MACROD2: variants seen among roughly 807,000 people sequenced by gnomAD.
MACROD2 encodes ADP-ribose glycohydrolase MACROD2.
A neutral mutation model predicts 70.4 loss-of-function variants in MACROD2; 36 were observed. That is an observed-to-expected ratio of 0.51 (90% confidence interval 0.39 to 0.68). The LOEUF (loss-of-function observed/expected upper bound fraction) is 0.68. Ranked by LOEUF, MACROD2 falls within the 30% of genes least tolerant of loss-of-function variation. The pLI, the probability that MACROD2 is intolerant of heterozygous loss-of-function variation, is 0.00. For missense variants in MACROD2, 496 were observed against 538.4 expected, an observed-to-expected ratio of 0.92 and a Z score of 0.78; for synonymous variants, 172 against 178.8, an observed-to-expected ratio of 0.96 and a Z score of 0.30.
At chr20:14,807,809 T>C (rs1945500499) in intron 5 of MACROD2, among the ~76,000 whole-genome samples, 1 of 151,906 alleles carries the variant, frequency 6.6e-6, no homozygotes, top group African/African-American at 2.4e-5. Context: ...CAAGTATCAA[T>C]AGCTGAATCA....
chr20:15,742,412 G>T (rs1206168297), intron 8 of MACROD2, among the ~76,000 whole-genome samples: 1 of 152,198 alleles, frequency 6.6e-6, no homozygotes, highest in African/African-American at 2.4e-5. Flanking sequence ...TGTTTCGAGA[G>T]AACTTATTTT....
intron 15 of MACROD2, among the ~76,000 whole-genome samples, chr20:16,036,217 A>C (rs151208081): frequency 6.8e-4 from 103 of 152,036 alleles, no homozygotes; most frequent in African/African-American, 2.3e-3. Context: ...AATTACTTGT[A>C]ATTCTATTTG....
chr20:14,190,700 T>TATGTA, intron 3 of MACROD2, among the ~76,000 whole-genome samples: 1 of 14,852 alleles, frequency 6.7e-5, no homozygotes, highest in Non-Finnish European at 1.4e-4. Flanking sequence ...ATATATATAT[T>TATGTA]TTTTTTTTTT....
rs1242948446 is a variant in MACROD2 at position 15,153,578 on chromosome 20, TAGA to T, written c.419-76360_419-76358del. On this transcript the variant is annotated intron_variant, in intron 5 of 17. Coordinates refer to ENST00000684519, the MANE Select transcript of MACROD2 (RefSeq NM_001351661.2). ...GGTATGAACTCACAAGGAATTGTCA[TAGA>T]ACAATAAGATGATTCCACATGACAA... Among the ~76,000 whole-genome samples the T allele has an allele frequency of 7.9e-5, 12 of 152,094 alleles. No homozygotes were observed. The East Asian group carries it at 2.3e-3, about 29-fold the overall frequency.
chr20:14,939,451 G>A (rs904946432), intron 5 of MACROD2, among the ~76,000 whole-genome samples: 11 of 151,992 alleles, frequency 7.2e-5, no homozygotes, highest in African/African-American at 2.7e-4. Context: ...TGTACTATGT[G>A]TCTCTTTTTG....
At chr20:15,970,749 G>A (rs1026742865) in intron 13 of MACROD2, among the ~76,000 whole-genome samples, 1 of 152,144 alleles carries the variant, frequency 6.6e-6, no homozygotes, top group Non-Finnish European at 1.5e-5. Context: ...CTTCAACTGG[G>A]TAGGAACACT....
chr20:15,343,658 C>T (rs1313769028), intron 6 of MACROD2, among the ~76,000 whole-genome samples: 1 of 152,116 alleles, frequency 6.6e-6, no homozygotes, highest in Non-Finnish European at 1.5e-5. Context: ...CAGTTCAGTA[C>T]TTCTATATAT....
At chr20:15,481,670 A>G (rs1038184210) in intron 7 of MACROD2, among the ~76,000 whole-genome samples, 3 of 151,632 alleles carry the variant, frequency 2.0e-5, no homozygotes, top group Non-Finnish European at 4.4e-5. Context: ...AGCTAAAGTC[A>G]TAGAAAATAA....
chr20:15,473,629 A>G (rs2046986890), intron 7 of MACROD2, among the ~76,000 whole-genome samples: 1 of 152,152 alleles, frequency 6.6e-6, no homozygotes, highest in South Asian at 2.1e-4. Context: ...ACTGTTTCCT[A>G]AGCTTGAAGG....
Position 15,356,967 on chromosome 20 carries a change from T to C in MACROD2, c.541-74438T>C, listed in dbSNP as rs138829485. Among the ~76,000 whole-genome samples, 740 of 152,328 alleles carry C rather than the reference T, an allele frequency of 4.9e-3. 8 individuals carry two copies. Among genetic ancestry groups the C allele is most frequent in the African/African-American group, 0.017 (722 of 41,578 alleles). On this transcript the variant is annotated intron_variant, in intron 6 of 17. Coordinates refer to ENST00000684519, the MANE Select transcript of MACROD2 (RefSeq NM_001351661.2). Reference sequence around the variant, plus strand: ...AATTCAGAATATAACAAACTTACTTTTGTATATAGGTCAGAAAAGGATAAC... The same window carrying C: ...AATTCAGAATATAACAAACTTACTTCTGTATATAGGTCAGAAAAGGATAAC...
At chr20:14,472,082 C>T (rs2084537502) in intron 3 of MACROD2, among the ~76,000 whole-genome samples, 1 of 152,078 alleles carries the variant, frequency 6.6e-6, no homozygotes, top group Non-Finnish European at 1.5e-5. Flanking sequence ...AGGGGAGTTT[C>T]AACAAATTTT....
chr20:14,972,751 T>A (rs947170408), intron 5 of MACROD2, among the ~76,000 whole-genome samples: 3 of 152,182 alleles, frequency 2.0e-5, no homozygotes, highest in African/African-American at 7.2e-5. Context: ...ACAATTTCCA[T>A]CTTACTCTCT....
chr20:14,993,379 TA>T (rs1415995467), intron 5 of MACROD2, among the ~76,000 whole-genome samples: 2 of 152,004 alleles, frequency 1.3e-5, no homozygotes, highest in Non-Finnish European at 2.9e-5. Context: ...AGTTTTGGGG[TA>T]AACTTTTGAT....
chr20:15,948,884 T>G (rs1395247542), intron 12 of MACROD2, among the ~76,000 whole-genome samples: 2 of 152,222 alleles, frequency 1.3e-5, no homozygotes, highest in Admixed American at 6.5e-5. Flanking sequence ...TGAATAAGAC[T>G]TGTAAACAAA....
intron 8 of MACROD2, among the ~76,000 whole-genome samples, chr20:15,778,905 T>A (rs538981998): frequency 6.6e-6 from 1 of 152,068 alleles, no homozygotes; most frequent in South Asian, 2.1e-4. Context: ...GGATCTAGGT[T>A]TTATGAAATA....
intron 6 of MACROD2, among the ~76,000 whole-genome samples, chr20:15,371,241 C>T (rs2045487695): frequency 6.6e-6 from 1 of 152,072 alleles, no homozygotes. Context: ...TGGCTGGGCT[C>T]TTCATCACGG....
chr20:15,942,429 G>T (rs1175206732), intron 12 of MACROD2, among the ~76,000 whole-genome samples: 1 of 152,172 alleles, frequency 6.6e-6, no homozygotes, highest in East Asian at 1.9e-4. Flanking sequence ...AAGCTGGCCT[G>T]GGAAAAGATT....
At chr20:15,424,677 AC>A (rs2046274601) in intron 6 of MACROD2, among the ~76,000 whole-genome samples, 1 of 151,812 alleles carries the variant, frequency 6.6e-6, no homozygotes, top group Non-Finnish European at 1.5e-5. Flanking sequence ...ATAGGACTGC[AC>A]CACTGTACTC....
intron 6 of MACROD2, among the ~76,000 whole-genome samples, chr20:15,358,934 A>G (rs1013709662): frequency 6.6e-6 from 1 of 152,116 alleles, no homozygotes; most frequent in Admixed American, 6.6e-5. Context: ...TAGGGCTTCA[A>G]GATATGAATT....
Sources: allele counts gnomAD v4.1 joint callset (sites outside exome capture counted in the v4.1 genomes callset), GRCh38; gene constraint gnomAD v4.1.1; transcripts MANE v1.5; gene names NCBI Gene and HGNC (gene_info 2026-07-23, HGNC 2026-07-21).